Variants in CKAP5 observed in about 807,000 individuals in gnomAD.
CKAP5 encodes the protein cytoskeleton associated protein 5.
CKAP5 carries 27 observed loss-of-function variants against 232.8 expected under a neutral mutation model. The ratio of observed to expected loss-of-function variants is 0.12; its 90% confidence interval spans 0.09 to 0.16. The LOEUF is 0.16. Ranked by LOEUF, CKAP5 falls within the 10% of genes least tolerant of loss-of-function variation. The probability of loss-of-function intolerance (pLI) is 1.00; values close to 1 mark genes in which losing one functional copy is unlikely to be tolerated. For missense variants in CKAP5, 1,838 were observed against 2,424.7 expected (o/e 0.76, Z 5.08); for synonymous variants, 785 against 841.1 (o/e 0.93, Z 1.16).
At chr11:46,778,672 C>A in intron 20 of CKAP5, 73 bp from the exon 21 acceptor site, 2 of 1,280,502 alleles carry the variant, frequency 1.6e-6, no homozygotes, top group South Asian at 1.3e-5. Flanking sequence ...AGAGAGGGTG[C>A]CTGTGTCAAA....
intron 8 of CKAP5, among the ~76,000 whole-genome samples, chr11:46,806,368 G>T (rs1939154859): frequency 6.6e-6 from 1 of 152,152 alleles, no homozygotes; most frequent in African/African-American, 2.4e-5. Flanking sequence ...GACACATCGA[G>T]AATTCAGCAC....
At chr11:46,781,285 A>G (rs576586425) in intron 18 of CKAP5, among the ~76,000 whole-genome samples, 41 of 152,296 alleles carry the variant, frequency 2.7e-4, no homozygotes, top group African/African-American at 9.4e-4. Flanking sequence ...CTTATCAGTT[A>G]TAACACTTCC....
chr11:46,793,813 A>G (rs573597177), intron 13 of CKAP5, among the ~76,000 whole-genome samples: 1 of 152,238 alleles, frequency 6.6e-6, no homozygotes, highest in South Asian at 2.1e-4. Context: ...AAACCCAGCT[A>G]CTCAGGAGGC....
chr11:46,809,364 C>T (rs201101718), intron 7 of CKAP5, 36 bp downstream of exon 7: 13 of 1,339,916 alleles, frequency 9.7e-6, no homozygotes, highest in Non-Finnish European at 1.4e-5. Flanking sequence ...AATTATTTTA[C>T]AAGAAATAAA....
At chr11:46,809,610 G>C in intron 6 of CKAP5, 110 bp from the exon 7 acceptor site, 1 of 1,327,164 alleles carries the variant, frequency 7.5e-7, no homozygotes, top group Non-Finnish European at 1.1e-6. Context: ...AGGGACCAGA[G>C]TTATTAAAGC....
chr11:46,748,575 C>G (rs1017794886), intron 42 of CKAP5, among the ~76,000 whole-genome samples: 1 of 152,070 alleles, frequency 6.6e-6, no homozygotes, highest in African/African-American at 2.4e-5. Flanking sequence ...GAGATCAAGA[C>G]CAGCCTGGCC....
intron 8 of CKAP5, among the ~76,000 whole-genome samples, chr11:46,804,912 G>A (rs115579921): frequency 2.1e-3 from 315 of 151,646 alleles, no homozygotes; most frequent in African/African-American, 7.4e-3. Context: ...TCAAAGAAGC[G>A]ATGAGCTGGG....
chr11:46,776,200 C>T, intron 24 of CKAP5, 55 bp downstream of exon 24: 5 of 1,528,352 alleles, frequency 3.3e-6, no homozygotes, highest in Non-Finnish European at 2.7e-6. Context: ...CAGGCCCAAG[C>T]CCCTATGGAA....
intron 1 of CKAP5, among the ~76,000 whole-genome samples, chr11:46,821,609 T>C (rs1939529568): frequency 6.6e-6 from 1 of 151,852 alleles, no homozygotes. Flanking sequence ...GTATTTTTAG[T>C]AGAGACAGGG....
Position 46,765,617 on chromosome 11 carries a change from T to G in CKAP5, c.3412-361A>C, listed in dbSNP as rs867008903. Among the ~76,000 whole-genome samples, 1,399 of 146,402 alleles carry G rather than the reference T, an allele frequency of 9.6e-3. 15 individuals carry two copies. The highest frequency in any genetic ancestry group is 0.013 in the Admixed American group (185 of 14,554). ...ATGACATCTTTTTTTTTTTTTTTTT[T>G]TTTTTGAGACGGAGTCTCACTCTGT... is the stretch of plus-strand genomic sequence containing the variant. On this transcript the variant is annotated intron_variant, in intron 27 of 43. Transcript: ENST00000529230.
intron 1 of CKAP5, among the ~76,000 whole-genome samples, chr11:46,845,888 G>A (rs1445907559): frequency 6.6e-6 from 1 of 152,028 alleles, no homozygotes; most frequent in African/African-American, 2.4e-5. Context: ...CGGGGCCCCC[G>A]CCCTAGTCTT....
At chr11:46,833,026 G>T (rs1939828790) in intron 1 of CKAP5, among the ~76,000 whole-genome samples, 1 of 152,010 alleles carries the variant, frequency 6.6e-6, no homozygotes, top group Non-Finnish European at 1.5e-5. Context: ...GTGCTTGTCA[G>T]ATAGTGTGAG....
chr11:46,753,864 T>G (rs1258029924), intron 36 of CKAP5, among the ~76,000 whole-genome samples: 2 of 151,982 alleles, frequency 1.3e-5, no homozygotes, highest in Non-Finnish European at 2.9e-5. Context: ...AGTGCTGGGA[T>G]TACAGGCGTG....
At chr11:46,834,559 G>C (rs1171590934) in intron 1 of CKAP5, among the ~76,000 whole-genome samples, 1 of 151,182 alleles carries the variant, frequency 6.6e-6, no homozygotes, top group Non-Finnish European at 1.5e-5. Flanking sequence ...CCTAAGTCGG[G>C]TTACAGCCCT....
intron 1 of CKAP5, among the ~76,000 whole-genome samples, chr11:46,836,284 T>C (rs973274026): frequency 6.6e-6 from 1 of 152,202 alleles, no homozygotes; most frequent in African/African-American, 2.4e-5. Flanking sequence ...ATCCTACACA[T>C]CATCTTTGCA....
chr11:46,835,277 C>T (rs1939888761), intron 1 of CKAP5, among the ~76,000 whole-genome samples: 1 of 151,910 alleles, frequency 6.6e-6, no homozygotes. Context: ...TATTACCTGG[C>T]TGTTTTGGCT....
intron 42 of CKAP5, among the ~76,000 whole-genome samples, chr11:46,747,812 A>T (rs1488332831): frequency 6.6e-6 from 1 of 151,114 alleles, no homozygotes; most frequent in Non-Finnish European, 1.5e-5. Context: ...GAAATCCCAG[A>T]ACTTTGGGAG....
intron 7 of CKAP5, 126 bp from the exon 8 acceptor site, chr11:46,808,270 A>C: frequency 1.6e-6 from 1 of 622,608 alleles, no homozygotes; most frequent in Non-Finnish European, 2.7e-6. Context: ...GGCCGGGCGC[A>C]GTGGCTCACG....
chr11:46,824,731 A>G (rs926181556), intron 1 of CKAP5, among the ~76,000 whole-genome samples: 5 of 152,254 alleles, frequency 3.3e-5, no homozygotes, highest in African/African-American at 1.2e-4. Flanking sequence ...CAAAAAGTTA[A>G]AAGTATCATA....
Sources: allele counts gnomAD v4.1 joint callset (sites outside exome capture counted in the v4.1 genomes callset), GRCh38; gene constraint gnomAD v4.1.1; transcripts MANE v1.5; gene names NCBI Gene and HGNC (gene_info 2026-07-23, HGNC 2026-07-21).